Variants in ASXL2 observed in about 807,000 individuals in gnomAD.
The protein encoded by ASXL2 is putative Polycomb group protein ASXL2.
ASXL2 carries 23 observed loss-of-function variants against 122.0 expected under a neutral mutation model. The ratio of observed to expected loss-of-function variants is 0.19; its 90% confidence interval spans 0.14 to 0.27. The LOEUF is 0.27. Among genes scored for constraint, ASXL2 ranks in the 10% least tolerant of loss-of-function variants. The probability of loss-of-function intolerance (pLI) is 1.00; values close to 1 mark genes in which losing one functional copy is unlikely to be tolerated. For synonymous variants in ASXL2, 650 were observed against 637.0 expected, an observed-to-expected ratio of 1.02 and a Z score of -0.31; for missense variants, 1,518 against 1,713.8, an observed-to-expected ratio of 0.89 and a Z score of 2.02.
At chr2:25,821,312 G>A (rs532572046) in intron 3 of ASXL2, among the ~76,000 whole-genome samples, 1 of 151,604 alleles carries the variant, frequency 6.6e-6, no homozygotes, top group African/African-American at 2.4e-5. Context: ...AGCTATGACT[G>A]TACCACTGCA....
intron 1 of ASXL2, among the ~76,000 whole-genome samples, chr2:25,864,522 TA>T (rs2089876861): frequency 6.6e-6 from 1 of 152,158 alleles, no homozygotes; most frequent in African/African-American, 2.4e-5. Flanking sequence ...TCTAGCTTTT[TA>T]AATTGTGATA....
At chr2:25,858,315 A>G (rs2089804143) in intron 1 of ASXL2, among the ~76,000 whole-genome samples, 1 of 152,124 alleles carries the variant, frequency 6.6e-6, no homozygotes, top group Non-Finnish European at 1.5e-5. Context: ...TTCAGAACAA[A>G]ATGACAAAAT....
intron 10 of ASXL2, among the ~76,000 whole-genome samples, chr2:25,755,678 A>T (rs1237733322): frequency 6.6e-6 from 1 of 152,234 alleles, no homozygotes; most frequent in Non-Finnish European, 1.5e-5. Flanking sequence ...GACTAATTCT[A>T]TACTTTTATT....
At chr2:25,768,997 C>T (rs2088400419) in intron 6 of ASXL2, 129 bp from the exon 7 acceptor site, 2 of 1,126,092 alleles carry the variant, frequency 1.8e-6, no homozygotes, top group Non-Finnish European at 2.4e-6. Flanking sequence ...TCAAAGCAAA[C>T]AAAAACCTAA....
intron 3 of ASXL2, among the ~76,000 whole-genome samples, chr2:25,815,981 C>A (rs1357266092): frequency 1.3e-5 from 2 of 152,164 alleles, no homozygotes; most frequent in African/African-American, 2.4e-5. Flanking sequence ...GAAAAGATTA[C>A]CCTTATGCAT....
chr2:25,818,859 T>G (rs2089272751), intron 3 of ASXL2, among the ~76,000 whole-genome samples: 1 of 152,140 alleles, frequency 6.6e-6, no homozygotes, highest in African/African-American at 2.4e-5. Flanking sequence ...CCTACATAAT[T>G]CCTTCCCCTG....
chr2:25,797,638 T>A (rs2088930221), intron 5 of ASXL2, among the ~76,000 whole-genome samples: 1 of 151,988 alleles, frequency 6.6e-6, no homozygotes, highest in Non-Finnish European at 1.5e-5. Context: ...AATGAAAAGG[T>A]GCTCCACAAC....
Position 25,750,030 on chromosome 2 carries a change from G to C in ASXL2, c.1526C>G (p.Ala509Gly). 2 of 1,614,010 alleles carry C rather than the reference G, an allele frequency of 1.2e-6. No individual in the cohort carries two copies. The highest frequency in any genetic ancestry group is 1.7e-6 in the Non-Finnish European group (2 of 1,179,896). ...QESEKNHLTT[A>G]SNYNKSESQE... ...GCTTTCACTTTTGTTATAATTAGAA[G>C]CTGTGGTGAGATGGTTCTTCTCAGA... The change falls in exon 12 of 13, where the codon GCT (alanine) becomes GGT (glycine). Residue 509 changes from alanine to glycine, a missense_variant. By Grantham distance (60) the Ala-to-Gly change is moderately conservative (BLOSUM62 0). Coordinates refer to ENST00000435504, the MANE Select transcript of ASXL2 (RefSeq NM_018263.6).
chr2:25,766,734 C>T (rs1324347829), intron 8 of ASXL2, among the ~76,000 whole-genome samples: 2 of 152,148 alleles, frequency 1.3e-5, no homozygotes, highest in Non-Finnish European at 2.9e-5. Flanking sequence ...TTACATTTTA[C>T]TTGATTTTCC....
At chr2:25,823,088 T>C (rs986540927) in intron 3 of ASXL2, 1 of 408,746 alleles carries the variant, frequency 2.4e-6, no homozygotes, top group African/African-American at 2.1e-5. Flanking sequence ...TCAGCCTGCT[T>C]GTTTTTTTAA....
chr2:25,735,713 G>C lies in ASXL2; in HGVS notation c.*6316C>G, dbSNP rs1229797944. ...TACTGACAGAGATTGCTGTTGGCCT[G>C]CTTCTAATTTAGATGTTAAGAGATT... On this transcript the variant is annotated 3_prime_UTR_variant, in exon 13 of 13. Coordinates refer to ENST00000435504, the MANE Select transcript of ASXL2 (RefSeq NM_018263.6). 1 of 152,188 alleles carries C rather than the reference G, an allele frequency of 6.6e-6. No homozygotes were observed. The highest frequency in any genetic ancestry group is 1.5e-5 in the Non-Finnish European group (1 of 68,032). The allele number at this position is 152,188 out of a possible 1,614,324, so 9.4% of individuals were successfully genotyped here. A position where few individuals can be genotyped will look rare whatever the true frequency, so the allele number is the denominator to read the frequency against.
At chr2:25,750,809 G>A (rs376160888) in intron 11 of ASXL2, among the ~76,000 whole-genome samples, 3 of 152,120 alleles carry the variant, frequency 2.0e-5, no homozygotes, top group African/African-American at 7.2e-5. Context: ...TTGTCTGGAC[G>A]CATGCATCAC....
chr2:25,842,139 A>G (rs1200123246), intron 2 of ASXL2, among the ~76,000 whole-genome samples: 1 of 151,984 alleles, frequency 6.6e-6, no homozygotes, highest in Non-Finnish European at 1.5e-5. Flanking sequence ...AAAAAAAGAA[A>G]AGAACACAGA....
At chr2:25,851,060 C>T (rs1463723847) in intron 1 of ASXL2, among the ~76,000 whole-genome samples, 2 of 151,320 alleles carry the variant, frequency 1.3e-5, no homozygotes, top group African/African-American at 2.4e-5. Context: ...GCAGGAGAAT[C>T]ACTTGAACCT....
In ASXL2 at chr2:25,769,010, T is replaced by C. The variant is rs2088400623; in HGVS notation, c.505-142A>G. 5 of 998,170 alleles carry C rather than the reference T, an allele frequency of 5.0e-6. No homozygotes were observed. In the African/African-American group the frequency reaches 6.5e-5, roughly 13 times the overall value. 61.8% of individuals were successfully genotyped at this position (998,170 alleles called of 1,614,324 possible). On this transcript the variant is annotated intron_variant, in intron 6 of 12. Transcript: ENST00000435504. ...TATCAAAGCAAACAAAAACCTAAAT[T>C]AAGCTAACTCTCGCTTCTTGGCCTT...
At chr2:25,865,884 C>T (rs918701184) in intron 1 of ASXL2, among the ~76,000 whole-genome samples, 1 of 150,806 alleles carries the variant, frequency 6.6e-6, no homozygotes, top group African/African-American at 2.4e-5. Context: ...ATGGTCTTAA[C>T]TCCAACTGCA....
intron 1 of ASXL2, among the ~76,000 whole-genome samples, chr2:25,852,593 T>C (rs1235369925): frequency 6.6e-6 from 1 of 151,940 alleles, no homozygotes; most frequent in Non-Finnish European, 1.5e-5. Context: ...ACTTGTGCCA[T>C]ACCAGTAAAT....
chr2:25,756,884 A>G (rs1290932838), intron 9 of ASXL2, among the ~76,000 whole-genome samples: 1 of 152,236 alleles, frequency 6.6e-6, no homozygotes, highest in African/African-American at 2.4e-5. Context: ...ACTCTAGAGA[A>G]CTGGTACGAG....
chr2:25,842,113 A>G (rs919033490), intron 2 of ASXL2, among the ~76,000 whole-genome samples: 1 of 148,286 alleles, frequency 6.7e-6, no homozygotes, highest in African/African-American at 2.5e-5. Flanking sequence ...ACTCTGTCTC[A>G]AAAAAAAAAG....
Sources: allele counts gnomAD v4.1 joint callset (sites outside exome capture counted in the v4.1 genomes callset), GRCh38; gene constraint gnomAD v4.1.1; transcripts MANE v1.5; gene names NCBI Gene and HGNC (gene_info 2026-07-23, HGNC 2026-07-21).